The following MAP1LC3B2 variants were observed in gnomAD, a reference collection of about 807,000 sequenced individuals.
The protein encoded by MAP1LC3B2 is microtubule associated protein 1 light chain 3 beta 2.
For missense variants in MAP1LC3B2, 155 were observed against 154.6 expected, an observed-to-expected ratio of 1.00 and a Z score of -0.01; for synonymous variants, 62 against 57.8, an observed-to-expected ratio of 1.07 and a Z score of -0.33.
At chr12:116,573,648 C>G (rs924324434) in intron 1 of MAP1LC3B2, among the ~76,000 whole-genome samples, 1 of 152,078 alleles carries the variant, frequency 6.6e-6, no homozygotes, top group African/African-American at 2.4e-5. Context: ...TCCCAAGTAT[C>G]TGGGATTACA....
chr12:116,572,782 T>C (rs1156881118), intron 1 of MAP1LC3B2, among the ~76,000 whole-genome samples: 2 of 152,220 alleles, frequency 1.3e-5, no homozygotes, highest in Non-Finnish European at 2.9e-5. Flanking sequence ...ATTAAGTACA[T>C]AGAAGGACTG....
chr12:116,574,462 A>C (rs1308706458), intron 1 of MAP1LC3B2, among the ~76,000 whole-genome samples: 1 of 152,020 alleles, frequency 6.6e-6, no homozygotes, highest in African/African-American at 2.4e-5. Flanking sequence ...GCAATATGGC[A>C]AAACTCCACT....
chr12:116,566,495 T>G (rs554663118), intron 1 of MAP1LC3B2, among the ~76,000 whole-genome samples: 17 of 151,874 alleles, frequency 1.1e-4, no homozygotes, highest in Non-Finnish European at 1.3e-4. Context: ...GTGTGTAACC[T>G]CTACAAAACA....
At chr12:116,572,355 G>A (rs1869557933) in intron 1 of MAP1LC3B2, among the ~76,000 whole-genome samples, 1 of 145,278 alleles carries the variant, frequency 6.9e-6, no homozygotes, top group Non-Finnish European at 1.5e-5. Context: ...AAAAAGGAAA[G>A]GCATGCCTCA....
At chr12:116,569,922 C>T (rs1011108615) in intron 1 of MAP1LC3B2, among the ~76,000 whole-genome samples, 2 of 152,034 alleles carry the variant, frequency 1.3e-5, no homozygotes, top group Non-Finnish European at 2.9e-5. Flanking sequence ...GGCATGGTGG[C>T]ACGCACCTGT....
At chr12:116,574,519 C>G (rs1312941178) in intron 1 of MAP1LC3B2, among the ~76,000 whole-genome samples, 1 of 151,686 alleles carries the variant, frequency 6.6e-6, no homozygotes, top group Non-Finnish European at 1.5e-5. Flanking sequence ...GGTGGCGTGC[C>G]CCTGTGGCCC....
At chr12:116,572,883 CA>C in intron 1 of MAP1LC3B2, among the ~76,000 whole-genome samples, 1 of 152,288 alleles carries the variant, frequency 6.6e-6, no homozygotes, top group South Asian at 2.1e-4. Context: ...CCTTGGCAGG[CA>C]GAGGTCTGGG....
chr12:116,570,271 C>A (rs562682596), intron 1 of MAP1LC3B2, among the ~76,000 whole-genome samples: 1 of 152,160 alleles, frequency 6.6e-6, no homozygotes. Flanking sequence ...TCAGTAGAAA[C>A]TGTACTTCAA....
chr12:116,564,287 T>C (rs1191110518), intron 1 of MAP1LC3B2, among the ~76,000 whole-genome samples: 2 of 152,258 alleles, frequency 1.3e-5, no homozygotes, highest in Non-Finnish European at 1.5e-5. Context: ...TAAGTTTTCA[T>C]TGGATGCTAG....
At chr12:116,560,188 C>CTA (rs56727893) in intron 1 of MAP1LC3B2, 11 of 88,404 alleles carry the variant, frequency 1.2e-4, no homozygotes, top group Non-Finnish European at 1.9e-4. Flanking sequence ...CTAAGTTTGG[C>CTA]TATATATATA....
Position 116,571,965 on chromosome 12 carries a change from C to CAAAA in MAP1LC3B2, c.-101-3869_-101-3866dup, listed in dbSNP as rs35147598. 4.7e-4 allele frequency among the ~76,000 whole-genome samples: 65 copies of CAAAA among 136,960 alleles called. 1 individual carries two copies. The highest frequency in any genetic ancestry group is 3.9e-3 in the East Asian group (18 of 4,636). The allele number at this position is 136,960 out of a possible 152,430, so 89.9% of individuals were successfully genotyped here. A position where few individuals can be genotyped will look rare whatever the true frequency, so the allele number is the denominator to read the frequency against. On this transcript the variant is annotated intron_variant, in intron 1 of 1. Coordinates refer to ENST00000556529, the MANE Select transcript of MAP1LC3B2 (RefSeq NM_001085481.3). The stretch of plus-strand genomic sequence containing the variant: ...TTGTTTTCTATAGCTATGACCGTTA[C>CAAAA]AAAAAAAAAAAGGGTTAGGGAGAAA...
rs1352801707 is a variant in MAP1LC3B2 at position 116,575,953 on chromosome 12, A to T, written c.11A>T (p.Glu4Val). The T allele has an allele frequency of 6.2e-7, 1 of 1,614,182 alleles. No individual in the cohort carries two copies. The highest frequency in any genetic ancestry group is 8.5e-7 in the Non-Finnish European group (1 of 1,180,042). Residue 4 changes from glutamate to valine, a missense_variant, in exon 2 of 2, where the codon GAG becomes GTG. By Grantham distance (121) the Glu-to-Val change is moderately radical (BLOSUM62 -2). Transcript: ENST00000556529. MPSEKTFKQRRTFE... is the reference protein window; with the variant it reads MPSVKTFKQRRTFE... ...CCAGATCCCCACACCATGCCGTCGG[A>T]GAAGACCTTCAAGCAGCGGCGCACC...
chr12:116,568,453 G>A (rs983152716), intron 1 of MAP1LC3B2, among the ~76,000 whole-genome samples: 7 of 152,174 alleles, frequency 4.6e-5, no homozygotes, highest in African/African-American at 1.7e-4. Flanking sequence ...AAAACAACAT[G>A]TACTTTATTC....
chr12:116,568,746 C>T (rs1290769743), intron 1 of MAP1LC3B2, among the ~76,000 whole-genome samples: 2 of 152,194 alleles, frequency 1.3e-5, no homozygotes, highest in Non-Finnish European at 2.9e-5. Context: ...TATTCTTGCC[C>T]TTTCATCATG....
At chr12:116,567,414 T>C (rs991328061) in intron 1 of MAP1LC3B2, among the ~76,000 whole-genome samples, 4 of 152,092 alleles carry the variant, frequency 2.6e-5, no homozygotes, top group African/African-American at 9.7e-5. Context: ...GGGAGAGTTT[T>C]AGTCACTTGT....
intron 1 of MAP1LC3B2, among the ~76,000 whole-genome samples, chr12:116,565,975 G>A (rs1274644558): frequency 1.3e-5 from 2 of 152,334 alleles, no homozygotes; most frequent in South Asian, 2.1e-4. Flanking sequence ...AAGGCTGCAT[G>A]AATTCGTTCT....
intron 1 of MAP1LC3B2, among the ~76,000 whole-genome samples, chr12:116,568,829 C>T (rs1193242776): frequency 8.6e-5 from 13 of 152,016 alleles, no homozygotes; most frequent in Non-Finnish European, 1.5e-5. Context: ...ATTGGACTTC[C>T]CAGCCTCTAG....
rs564916320 is a variant in MAP1LC3B2, at chr12:116,564,972, G to T, written c.-102+5539G>T. ...GTGGCCCAATCTCTGAAAAACAATT[G>T]TTTTATATCTTTGGTCTGGCTTTCC... is the stretch of plus-strand genomic sequence containing the variant. On this transcript the variant is annotated intron_variant, in intron 1 of 1. Coordinates refer to ENST00000556529, the MANE Select transcript of MAP1LC3B2 (RefSeq NM_001085481.3). Among the ~76,000 whole-genome samples the T allele has an allele frequency of 2.0e-5, 3 of 152,224 alleles. No individual in the cohort carries two copies. The South Asian group carries it at 6.2e-4, about 32-fold the overall frequency.
At chr12:116,571,982 A>G (rs556671641) in intron 1 of MAP1LC3B2, among the ~76,000 whole-genome samples, 11 of 149,836 alleles carry the variant, frequency 7.3e-5, no homozygotes, top group Non-Finnish European at 1.5e-4. Context: ...AAAAAGGGTT[A>G]GGGAGAAACT....
Sources: gnomAD v4.1 joint callset for allele counts (sites outside exome capture counted in the v4.1 genomes callset) on GRCh38, gnomAD v4.1.1 for gene constraint, MANE v1.5 for transcripts, NCBI Gene and HGNC (gene_info 2026-07-23, HGNC 2026-07-21) for gene names.